TLK2: variants seen among roughly 807,000 people sequenced by gnomAD.
TLK2 encodes the protein tousled like kinase 2, also known as serine/threonine-protein kinase tousled-like 2.
A neutral mutation model predicts 117.3 loss-of-function variants in TLK2; 6 were observed. That is an observed-to-expected ratio of 0.05 (90% confidence interval 0.03 to 0.10). The LOEUF is 0.10. Among genes scored for constraint, TLK2 ranks in the 10% least tolerant of loss-of-function variants. TLK2 has a pLI of 1.00. For missense variants in TLK2, 299 were observed against 901.2 expected, an observed-to-expected ratio of 0.33 and a Z score of 8.56; for synonymous variants, 257 against 316.7, an observed-to-expected ratio of 0.81 and a Z score of 2.00.
chr17:62,489,823 T>C (rs145707565), intron 2 of TLK2, among the ~76,000 whole-genome samples: 14 of 152,236 alleles, frequency 9.2e-5, no homozygotes, highest in South Asian at 2.1e-4. Context: ...CTGGCTTCCA[T>C]TGGGCTCTTT....
At chr17:62,570,420 G>A (rs964711095) in intron 11 of TLK2, among the ~76,000 whole-genome samples, 3 of 152,140 alleles carry the variant, frequency 2.0e-5, no homozygotes, top group Non-Finnish European at 4.4e-5. Flanking sequence ...AATATTTAAG[G>A]ATCAACTCTG....
At chr17:62,579,966 G>A in intron 14 of TLK2, 145 bp from the exon 15 acceptor site, 1 of 608,612 alleles carries the variant, frequency 1.6e-6, no homozygotes, top group South Asian at 2.3e-5. Context: ...TTTATACTCA[G>A]TATTTGCCAT....
chr17:62,541,868 A>T (rs58932278), intron 7 of TLK2, among the ~76,000 whole-genome samples: 4 of 152,084 alleles, frequency 2.6e-5, no homozygotes, highest in South Asian at 2.1e-4. Flanking sequence ...TAGTATTTGG[A>T]CTCACAGTCT....
chr17:62,574,643 G>GTAGC (rs1219013989), intron 12 of TLK2, among the ~76,000 whole-genome samples: 6 of 152,054 alleles, frequency 3.9e-5, no homozygotes, highest in African/African-American at 1.2e-4. Flanking sequence ...AGCCTCCTGA[G>GTAGC]TAGCTGGGAC....
rs1479369886 is a variant in TLK2, at chr17:62,478,857, AG to A, written c.-435del. ...ATCCGGACCGAACCGATCCGGATTA[AG>A]GGGCCGGAGGCGGGTCCTGGGCACC... is the stretch of plus-strand genomic sequence containing the variant. On this transcript the variant is annotated 5_prime_UTR_variant, in exon 1 of 22. Coordinates refer to ENST00000346027, the MANE Select transcript of TLK2 (RefSeq NM_006852.6). Among the ~76,000 whole-genome samples the A allele has an allele frequency of 6.6e-6, 1 of 150,600 alleles. No homozygotes were observed. The highest frequency in any genetic ancestry group is 2.4e-5 in the African/African-American group (1 of 41,182).
chr17:62,497,001 G>C (rs1360705297), intron 2 of TLK2, among the ~76,000 whole-genome samples: 1 of 151,130 alleles, frequency 6.6e-6, no homozygotes, highest in African/African-American at 2.4e-5. Flanking sequence ...GGACAGTGGC[G>C]AGGCCCAGCA....
chr17:62,472,831 C>T (rs2070967506), intron 1 of TLK2, among the ~76,000 whole-genome samples: 1 of 152,052 alleles, frequency 6.6e-6, no homozygotes, highest in African/African-American at 2.4e-5. Context: ...AGTACAACTC[C>T]CCTGGTTATT....
At chr17:62,558,415 G>A (rs2079022605) in intron 9 of TLK2, among the ~76,000 whole-genome samples, 1 of 152,094 alleles carries the variant, frequency 6.6e-6, no homozygotes, top group Non-Finnish European at 1.5e-5. Context: ...CTCCTGCCTC[G>A]GCCTCCCAGA....
At chr17:62,528,599 T>C (rs1255977091) in intron 6 of TLK2, among the ~76,000 whole-genome samples, 1 of 152,064 alleles carries the variant, frequency 6.6e-6, no homozygotes, top group Non-Finnish European at 1.5e-5. Context: ...GTGTTTTTAG[T>C]AGACACGAGG....
chr17:62,490,241 C>G (rs2072965709), intron 2 of TLK2, among the ~76,000 whole-genome samples: 1 of 152,376 alleles, frequency 6.6e-6, no homozygotes, highest in East Asian at 1.9e-4. Flanking sequence ...TTCTCTGCCT[C>G]TTACCCTGTC....
At chr17:62,561,492 G>T (rs115630765) in intron 10 of TLK2, among the ~76,000 whole-genome samples, 1 of 152,202 alleles carries the variant, frequency 6.6e-6, no homozygotes. Flanking sequence ...GATTACAGGC[G>T]CTCACCACTG....
At chr17:62,592,645 C>G (rs1377020714) in intron 16 of TLK2, among the ~76,000 whole-genome samples, 1 of 152,136 alleles carries the variant, frequency 6.6e-6, no homozygotes, top group Non-Finnish European at 1.5e-5. Flanking sequence ...TTGGCACCAG[C>G]GACCGGTTTT....
In TLK2 at chr17:62,473,519, G is replaced by A. The variant is rs189017795; in HGVS notation, c.-205+2441G>A. Reference sequence around the variant, plus strand: ...TCAGAGGTTTTCAAAGTGGTTTCCAGACCATCATCAACCAGCCTCACCTGG... The same window carrying A: ...TCAGAGGTTTTCAAAGTGGTTTCCAAACCATCATCAACCAGCCTCACCTGG... On this transcript the variant is annotated intron_variant, in intron 1 of 4. Coordinates refer to the TLK2 transcript ENST00000579450. Among the ~76,000 whole-genome samples the A allele has an allele frequency of 2.6e-5, 4 of 152,288 alleles. No individual in the cohort carries two copies. The East Asian group carries it at 7.7e-4, about 29-fold the overall frequency.
chr17:62,482,854 C>G (rs1433709463), intron 2 of TLK2, among the ~76,000 whole-genome samples: 2 of 152,180 alleles, frequency 1.3e-5, no homozygotes, highest in Admixed American at 1.3e-4. Flanking sequence ...ACCTCCACAT[C>G]TGCAGTATGG....
intron 1 of TLK2, 113 bp from the exon 2 acceptor site, chr17:62,481,008 T>C (rs2144329284): frequency 1.0e-6 from 1 of 960,032 alleles, no homozygotes; most frequent in East Asian, 2.6e-5. Context: ...TTACTTGAGA[T>C]TTACCTGCAT....
chr17:62,536,417 TAG>T lies in TLK2; in HGVS notation c.531+86_531+87del, dbSNP rs2077117566. 3.5e-6 allele frequency: 5 copies of T among 1,418,814 alleles called. No homozygotes were observed. The African/African-American group carries it at 4.3e-5, about 12-fold the overall frequency. The allele number at this position is 1,418,814 out of a possible 1,614,324, so 87.9% of individuals were successfully genotyped here. On this transcript the variant is annotated intron_variant, in intron 7 of 21. Transcript: ENST00000346027. ...GATGAGGTTGGATTAATTATTTTGA[TAG>T]AGAGATAGGGACATTTCTAATACTT...
intron 1 of TLK2, among the ~76,000 whole-genome samples, chr17:62,473,684 G>C (rs1450513203): frequency 2.6e-5 from 4 of 152,168 alleles, no homozygotes; most frequent in Admixed American, 6.5e-5. Context: ...ATCACGTAGA[G>C]GTTGGAAAAC....
At chr17:62,592,439 G>A (rs2082148003) in intron 16 of TLK2, among the ~76,000 whole-genome samples, 1 of 151,806 alleles carries the variant, frequency 6.6e-6, no homozygotes, top group African/African-American at 2.4e-5. Flanking sequence ...CTTAACAATG[G>A]GGCTACATTT....
intron 2 of TLK2, among the ~76,000 whole-genome samples, chr17:62,507,136 C>T (rs758712738): frequency 5.9e-5 from 9 of 151,754 alleles, no homozygotes; most frequent in Non-Finnish European, 1.2e-4. Flanking sequence ...TGGCGGGGCG[C>T]GCTGAGTCAC....
Sources: allele counts gnomAD v4.1 joint callset (sites outside exome capture counted in the v4.1 genomes callset), GRCh38; gene constraint gnomAD v4.1.1; transcripts MANE v1.5; gene names NCBI Gene and HGNC (gene_info 2026-07-23, HGNC 2026-07-21).